The following ARSK variants were observed in gnomAD, a reference collection of about 807,000 sequenced individuals.
ARSK encodes the protein arylsulfatase K.
ARSK carries 37 observed loss-of-function variants against 53.2 expected under a neutral mutation model. That is an observed-to-expected ratio of 0.70 (90% CI 0.54 to 0.92). ARSK has a LOEUF of 0.92. Among genes scored for constraint, ARSK ranks in the 40% least tolerant of loss-of-function variants. The pLI, the probability that ARSK is intolerant of heterozygous loss-of-function variation, is 0.00. For synonymous variants in ARSK, 208 were observed against 223.2 expected (o/e 0.93, Z 0.61); for missense variants, 613 against 643.0 (o/e 0.95, Z 0.51).
chr5:95,594,788 C>T (rs1432958288), intron 6 of ARSK, among the ~76,000 whole-genome samples: 1 of 151,452 alleles, frequency 6.6e-6, no homozygotes, highest in Non-Finnish European at 1.5e-5. Flanking sequence ...TGCAATGAGC[C>T]AAGATCGTGC....
At chr5:95,577,982 C>T (rs573710321) in intron 3 of ARSK, among the ~76,000 whole-genome samples, 6 of 152,146 alleles carry the variant, frequency 3.9e-5, no homozygotes, top group Non-Finnish European at 7.4e-5. Context: ...ATATTTTGAG[C>T]GTTTAAATAA....
intron 6 of ARSK, among the ~76,000 whole-genome samples, chr5:95,600,350 T>A (rs964215416): frequency 1.3e-5 from 2 of 152,182 alleles, no homozygotes; most frequent in South Asian, 4.1e-4. Flanking sequence ...ACTTATGTAT[T>A]TAATTTTGTT....
intron 4 of ARSK, among the ~76,000 whole-genome samples, chr5:95,585,644 G>A (rs1749099780): frequency 6.6e-6 from 1 of 152,154 alleles, no homozygotes; most frequent in African/African-American, 2.4e-5. Flanking sequence ...TAATACAGTG[G>A]ACTTTGGGGA....
intron 7 of ARSK, among the ~76,000 whole-genome samples, chr5:95,602,969 T>C (rs1178301843): frequency 2.0e-5 from 3 of 151,938 alleles, no homozygotes; most frequent in South Asian, 2.1e-4. Context: ...TTACTAATGA[T>C]AAAAGTTTGA....
intron 6 of ARSK, among the ~76,000 whole-genome samples, chr5:95,593,726 T>TAGCTAAGAAAATACTGTCTC (rs1309189526): frequency 6.6e-6 from 1 of 152,200 alleles, no homozygotes; most frequent in Non-Finnish European, 1.5e-5. Context: ...AGAATTTCTC[T>TAGCTAAGAAAATACTGTCTC]AGCTAAGAAA....
At chr5:95,562,505 G>A (rs1312329225) in intron 1 of ARSK, among the ~76,000 whole-genome samples, 1 of 152,132 alleles carries the variant, frequency 6.6e-6, no homozygotes, top group Non-Finnish European at 1.5e-5. Flanking sequence ...TAAAGTTGCT[G>A]TTACATTCTT....
chr5:95,580,595 C>T (rs1013738666), intron 3 of ARSK, among the ~76,000 whole-genome samples: 1 of 152,104 alleles, frequency 6.6e-6, no homozygotes, highest in Non-Finnish European at 1.5e-5. Context: ...TAGCTTGGGC[C>T]GGAAAGAGGG....
intron 1 of ARSK, among the ~76,000 whole-genome samples, chr5:95,559,576 TTAATG>T (rs1205801649): frequency 6.6e-6 from 1 of 152,238 alleles, no homozygotes; most frequent in Non-Finnish European, 1.5e-5. Flanking sequence ...TGAAAATCAA[TTAATG>T]TAATACATCA....
At chr5:95,591,752 C>T (rs986887794) in intron 6 of ARSK, 127 bp downstream of exon 6, 21 of 795,412 alleles carry the variant, frequency 2.6e-5, no homozygotes, top group Non-Finnish European at 3.7e-5. Context: ...CCCTGAGCAA[C>T]TCATTCAACT....
At chr5:95,576,359 C>T (rs888173205) in intron 3 of ARSK, among the ~76,000 whole-genome samples, 1 of 151,506 alleles carries the variant, frequency 6.6e-6, no homozygotes, top group Non-Finnish European at 1.5e-5. Context: ...CCACTACACC[C>T]GGCTAATTTT....
At chr5:95,587,199 A>G (rs1488104141) in intron 5 of ARSK, among the ~76,000 whole-genome samples, 1 of 152,164 alleles carries the variant, frequency 6.6e-6, no homozygotes, top group Non-Finnish European at 1.5e-5. Context: ...AAGTTTCTCC[A>G]TGTATATTCT....
chr5:95,560,799 G>T (rs1337985454), intron 1 of ARSK, among the ~76,000 whole-genome samples: 1 of 129,022 alleles, frequency 7.8e-6, no homozygotes, highest in African/African-American at 2.9e-5. Context: ...ATGGGCAAAA[G>T]ATCTTTTTTT....
chr5:95,585,960 G>A (rs1048423687), intron 4 of ARSK, among the ~76,000 whole-genome samples: 1 of 152,070 alleles, frequency 6.6e-6, no homozygotes, highest in African/African-American at 2.4e-5. Context: ...GTTAGTACTA[G>A]CCAAATGACA....
intron 6 of ARSK, 51 bp from the exon 7 acceptor site, chr5:95,600,796 C>T (rs1749388110): frequency 6.8e-7 from 1 of 1,475,344 alleles, no homozygotes; most frequent in Admixed American, 1.7e-5. Context: ...GAATGTTCAG[C>T]TAATAAAAGA....
At chr5:95,597,912 GC>G (rs754469420) in intron 6 of ARSK, among the ~76,000 whole-genome samples, 3,007 of 147,286 alleles carry the variant, frequency 0.02, 162 homozygotes, top group African/African-American at 0.061. Flanking sequence ...AAAGTGGGGG[GC>G]GGGTAATAGT....
chr5:95,556,204 G>A (rs1176535040), intron 1 of ARSK: 4 of 702,168 alleles, frequency 5.7e-6, no homozygotes, highest in East Asian at 2.7e-5. Context: ...TTCCTTTCTC[G>A]TAGATTCCTG....
At chr5:95,570,764 CTAACAT>C (rs1395151656) in intron 3 of ARSK, among the ~76,000 whole-genome samples, 1 of 151,426 alleles carries the variant, frequency 6.6e-6, no homozygotes, top group African/African-American at 2.4e-5. Flanking sequence ...GAATTGCAGT[CTAACAT>C]TTATATAACC....
At chr5:95,585,326 C>G (rs1749094541) in intron 4 of ARSK, among the ~76,000 whole-genome samples, 2 of 152,158 alleles carry the variant, frequency 1.3e-5, no homozygotes, top group African/African-American at 4.8e-5. Context: ...ATGGTATCTA[C>G]TCAGAGGAAA....
intron 6 of ARSK, among the ~76,000 whole-genome samples, chr5:95,596,338 A>G (rs934233977): frequency 1.3e-5 from 2 of 152,204 alleles, no homozygotes; most frequent in Non-Finnish European, 2.9e-5. Flanking sequence ...GCAAGTATCT[A>G]TTCTTAGAGC....
Sources: gnomAD v4.1 joint callset for allele counts (sites outside exome capture counted in the v4.1 genomes callset) on GRCh38, gnomAD v4.1.1 for gene constraint, MANE v1.5 for transcripts, NCBI Gene and HGNC (gene_info 2026-07-23, HGNC 2026-07-21) for gene names.